The following NAALADL2 variants were observed in gnomAD, a reference collection of about 807,000 sequenced individuals.
NAALADL2 encodes the protein inactive N-acetylated-alpha-linked acidic dipeptidase-like protein 2.
Under a neutral mutation model 87.2 loss-of-function variants are expected in NAALADL2, and 76 were observed. The ratio of observed to expected loss-of-function variants is 0.87; its 90% CI spans 0.72 to 1.05. NAALADL2 has a LOEUF of 1.05. Among genes scored for constraint, NAALADL2 ranks in the 50% least tolerant of loss-of-function variants. NAALADL2 has a pLI of 0.00. For missense variants in NAALADL2, 1,089 were observed against 945.8 expected (o/e 1.15, Z -1.99); for synonymous variants, 354 against 331.0 (o/e 1.07, Z -0.75).
At chr3:174,836,053 A>G (rs1723295684) in intron 3 of NAALADL2, among the ~76,000 whole-genome samples, 1 of 152,224 alleles carries the variant, frequency 6.6e-6, no homozygotes, top group Admixed American at 6.5e-5. Context: ...ACTCATGTTC[A>G]TAGGAGCATC....
At chr3:175,106,309 A>C (rs1196714498) in intron 2 of NAALADL2, among the ~76,000 whole-genome samples, 2 of 152,096 alleles carry the variant, frequency 1.3e-5, no homozygotes, top group African/African-American at 4.8e-5. Context: ...GATCTATTTT[A>C]CATAATTGCA....
chr3:174,481,408 C>T (rs1717540727), intron 1 of NAALADL2, among the ~76,000 whole-genome samples: 1 of 152,036 alleles, frequency 6.6e-6, no homozygotes, highest in African/African-American at 2.4e-5. Flanking sequence ...TTGCAAGCAA[C>T]AGAAATCACT....
rs536848460 is a variant in NAALADL2 at position 175,014,040 on chromosome 3, G to T, written c.44-82750G>T. 1.6e-4 allele frequency among the ~76,000 whole-genome samples: 24 copies of T among 152,236 alleles called. No individual in the cohort carries two copies. In the South Asian group the frequency reaches 3.7e-3, roughly 24 times the overall value. Reference sequence around the variant, plus strand: ...ATCCGACCTCTGTCATTTGCCAGGGGTGCTATTAAGCAAGTCATTTAACTT... The same window carrying T: ...ATCCGACCTCTGTCATTTGCCAGGGTTGCTATTAAGCAAGTCATTTAACTT... On this transcript the variant is annotated intron_variant, in intron 1 of 13. Transcript: ENST00000454872.
intron 3 of NAALADL2, among the ~76,000 whole-genome samples, chr3:174,768,429 C>T (rs1184614254): frequency 6.6e-6 from 1 of 152,112 alleles, no homozygotes; most frequent in Non-Finnish European, 1.5e-5. Context: ...TGAGCCTAGT[C>T]TTTTCATTTA....
At chr3:174,989,906 T>C (rs960774312) in intron 1 of NAALADL2, among the ~76,000 whole-genome samples, 2 of 152,166 alleles carry the variant, frequency 1.3e-5, no homozygotes, top group African/African-American at 4.8e-5. Flanking sequence ...TGTTTTAATT[T>C]TTGACCTCAT....
intron 2 of NAALADL2, among the ~76,000 whole-genome samples, chr3:175,215,532 G>A (rs1043290761): frequency 1.1e-4 from 17 of 152,060 alleles, no homozygotes; most frequent in Non-Finnish European, 1.6e-4. Flanking sequence ...AGTGTTAAGT[G>A]TCTCATCAGC....
At chr3:175,676,158 C>G (rs960481015) in intron 11 of NAALADL2, 1 of 152,122 alleles carries the variant, frequency 6.6e-6, no homozygotes, top group African/African-American at 2.4e-5. Flanking sequence ...CAAGGTGTTG[C>G]AATACATATT....
intron 1 of NAALADL2, among the ~76,000 whole-genome samples, chr3:174,518,632 CTATT>C (rs1193450334): frequency 2.0e-5 from 3 of 152,220 alleles, no homozygotes; most frequent in Admixed American, 1.3e-4. Flanking sequence ...ATTATCTGGC[CTATT>C]TAACTTCATC....
chr3:175,437,009 T>C (rs1718786951), intron 5 of NAALADL2, among the ~76,000 whole-genome samples: 2 of 123,084 alleles, frequency 1.6e-5, no homozygotes, highest in Non-Finnish European at 3.4e-5. Context: ...CTTTAATCCA[T>C]CTTGAATTGA....
At chr3:174,533,096 C>A (rs186901615) in intron 1 of NAALADL2, among the ~76,000 whole-genome samples, 60 of 105,640 alleles carry the variant, frequency 5.7e-4, no homozygotes, top group Middle Eastern at 9.9e-3. Context: ...TTTTACGTGC[C>A]CACCTTATCT....
intron 11 of NAALADL2, among the ~76,000 whole-genome samples, chr3:175,726,598 G>A (rs1448340905): frequency 6.6e-6 from 1 of 152,146 alleles, no homozygotes; most frequent in Non-Finnish European, 1.5e-5. Flanking sequence ...GTACACTACT[G>A]TGTGTCAGCT....
chr3:175,804,009 AAC>A lies in NAALADL2; in HGVS notation c.*809_*810del. On this transcript the variant is annotated 3_prime_UTR_variant, in exon 14 of 14. Coordinates refer to ENST00000454872, the MANE Select transcript of NAALADL2 (RefSeq NM_207015.3). ...TACTTTTTCTCTTGTTTCTGTTGGA[AAC>A]ACTGAAGCAGGGACTCTAAAATGAA... 1 of 152,300 alleles carries A rather than the reference AAC, an allele frequency of 6.6e-6. No individual in the cohort carries two copies. The highest frequency in any genetic ancestry group is 3.4e-3 in the Middle Eastern group (1 of 294). 9.4% of individuals were successfully genotyped at this position (152,300 alleles called of 1,614,324 possible).
At chr3:175,172,641 G>A (rs1735016422) in intron 2 of NAALADL2, among the ~76,000 whole-genome samples, 1 of 152,062 alleles carries the variant, frequency 6.6e-6, no homozygotes, top group Admixed American at 6.6e-5. Flanking sequence ...ACATGAGTAA[G>A]ACACAAAGTT....
At chr3:175,800,501 T>C (rs180975417) in intron 13 of NAALADL2, among the ~76,000 whole-genome samples, 10 of 152,268 alleles carry the variant, frequency 6.6e-5, no homozygotes, top group African/African-American at 1.9e-4. Flanking sequence ...TTTAAATTTT[T>C]CTGTCTTGAA....
chr3:174,720,022 G>T (rs983633688), intron 2 of NAALADL2, among the ~76,000 whole-genome samples: 1 of 151,812 alleles, frequency 6.6e-6, no homozygotes, highest in African/African-American at 2.4e-5. Flanking sequence ...GGATGGTCTC[G>T]CTCTCTTGAC....
At chr3:175,448,711 A>ATATGTTATATGTTATATGTTGTTTG (rs1721079248) in intron 6 of NAALADL2, among the ~76,000 whole-genome samples, 1 of 152,204 alleles carries the variant, frequency 6.6e-6, no homozygotes, top group African/African-American at 2.4e-5. Flanking sequence ...GTTATATGTT[A>ATATGTTATATGTTATATGTTGTTTG]TGTTATATAT....
intron 3 of NAALADL2, among the ~76,000 whole-genome samples, chr3:174,768,837 T>C (rs184796548): frequency 6.6e-6 from 1 of 152,204 alleles, no homozygotes; most frequent in East Asian, 1.9e-4. Flanking sequence ...TTAGAAGTGC[T>C]TGCTTGTATC....
At chr3:175,368,596 T>TGTGTG (rs397838105) in intron 5 of NAALADL2, among the ~76,000 whole-genome samples, 1,975 of 151,620 alleles carry the variant, frequency 0.013, 64 homozygotes, top group East Asian at 0.068. Context: ...TGTGTGTGTG[T>TGTGTG]TTATAGCCAG....
At chr3:174,979,724 T>A (rs1744872163) in intron 1 of NAALADL2, among the ~76,000 whole-genome samples, 1 of 152,176 alleles carries the variant, frequency 6.6e-6, no homozygotes, top group Non-Finnish European at 1.5e-5. Context: ...AGAAAAATAT[T>A]GCAAATTAAC....
Sources: allele counts gnomAD v4.1 joint callset (sites outside exome capture counted in the v4.1 genomes callset), GRCh38; gene constraint gnomAD v4.1.1; transcripts MANE v1.5; gene names NCBI Gene and HGNC (gene_info 2026-07-23, HGNC 2026-07-21).